The following FLT4 variants were observed in gnomAD, a reference collection of about 807,000 sequenced individuals.
FLT4 encodes vascular endothelial growth factor receptor 3.
In FLT4, 30 loss-of-function variants were observed where a neutral mutation model predicts 163.2. The ratio of observed to expected loss-of-function variants is 0.18; its 90% confidence interval spans 0.14 to 0.25. FLT4 has a LOEUF of 0.25. Among genes scored for constraint, FLT4 ranks in the 10% least tolerant of loss-of-function variants. The probability of loss-of-function intolerance (pLI) is 1.00; values close to 1 mark genes in which losing one functional copy is unlikely to be tolerated. For synonymous variants in FLT4, 884 were observed against 789.5 expected, an observed-to-expected ratio of 1.12 and a Z score of -2.01; for missense variants, 1,510 against 1,863.8, an observed-to-expected ratio of 0.81 and a Z score of 3.50.
Position 180,603,257 on chromosome 5 carries a change from G to T in FLT4, c.4027C>A (p.Pro1343Thr), listed in dbSNP as rs1420141608. ...GGGGAGCAGTGGTCCTCCTCGCTTG[G>T]CTCCGACAGCTCCCCATACTCGCTG... The part of the protein sequence containing the change: ...YNSEYGELSE[P>T]SEEDHCSPSA... Residue 1343 changes from proline to threonine, a missense_variant, in exon 30 of 30, where the codon CCA becomes ACA. Pro to Thr is a conservative substitution (Grantham distance 38). Transcript: ENST00000261937. The T allele has an allele frequency of 9.9e-6, 16 of 1,614,172 alleles. No individual in the cohort carries two copies. Among genetic ancestry groups the T allele is most frequent in the Non-Finnish European group, 1.3e-5 (15 of 1,180,042 alleles).
Position 180,603,329 on chromosome 5 carries a change from G to GCCT in FLT4, c.3952_3954dup (p.Arg1321dup), listed in dbSNP as rs1365865262. 1.2e-6 allele frequency: 2 copies of GCCT among 1,613,902 alleles called. No homozygotes were observed. Among genetic ancestry groups the GCCT allele is most frequent in the South Asian group, 1.1e-5 (1 of 91,020 alleles). On this transcript the variant is annotated inframe_insertion, in exon 30 of 30. Transcript: ENST00000261937. The stretch of plus-strand genomic sequence containing the variant: ...CGGGCCCCCCGCTCAGGCCGCCGCC[G>GCCT]CCTCCCTTGGGAGTCAGGGTGTGCC...
chr5:180,629,061 T>G, intron 7 of FLT4, 62 bp from the exon 8 acceptor site: 1 of 1,497,638 alleles, frequency 6.7e-7, no homozygotes, highest in Non-Finnish European at 9.3e-7. Flanking sequence ...GACCAGGGAC[T>G]CCCCCCACGG....
chr5:180,604,846 C>T (rs542002057), intron 29 of FLT4, among the ~76,000 whole-genome samples: 2 of 152,338 alleles, frequency 1.3e-5, no homozygotes, highest in African/African-American at 4.8e-5. Context: ...ACTTTCTGAT[C>T]CTTTTGCCTC....
chr5:180,634,279 G>A (rs578197679), intron 1 of FLT4, among the ~76,000 whole-genome samples: 1 of 152,306 alleles, frequency 6.6e-6, no homozygotes, highest in Admixed American at 6.5e-5. Context: ...CCTCCTCTTC[G>A]AGCTTCTGCT....
At position 180,623,931 on chromosome 5, in the gene FLT4, G is replaced by GTACCT; in HGVS notation, c.1547_1548+3dup. ...GGGCACTCAGCAGCGCGGCTGGCCTGTACCTTATTCTTTCCCTCCACAAAC... is the reference window on the plus strand; with the variant it reads ...GGGCACTCAGCAGCGCGGCTGGCCTGTACCTTACCTTATTCTTTCCCTCCACAAAC... On this transcript the variant is annotated splice_donor_region_variant and intron_variant, in intron 11 of 29. Transcript: ENST00000261937. The surrounding 1 kb of genome is among the most constrained non-coding windows in gnomAD (Gnocchi z 5.8). 6.8e-6 allele frequency: 11 copies of GTACCT among 1,613,490 alleles called. No homozygotes were observed. Among genetic ancestry groups the GTACCT allele is most frequent in the Non-Finnish European group, 9.3e-6 (11 of 1,179,966 alleles).
Position 180,631,597 on chromosome 5 carries a change from G to T in FLT4, c.155+85C>A, listed in dbSNP as rs550878442. On this transcript the variant is annotated intron_variant, in intron 2 of 29. Transcript: ENST00000261937. ...TGCCCTGACTCTGCCCTGGGAGGGG[G>T]CTGCCATCTGGGCCCACAGCCACCA... is the stretch of plus-strand genomic sequence containing the variant. 4.2e-5 allele frequency: 46 copies of T among 1,089,572 alleles called. No individual in the cohort carries two copies. The African/African-American group carries it at 6.1e-4, about 15-fold the overall frequency. 67.5% of individuals were successfully genotyped at this position (1,089,572 alleles called of 1,614,324 possible).
At chr5:180,632,531 G>T (rs989423580) in intron 1 of FLT4, among the ~76,000 whole-genome samples, 1 of 152,138 alleles carries the variant, frequency 6.6e-6, no homozygotes, top group Non-Finnish European at 1.5e-5. Flanking sequence ...ACTGTAGGCT[G>T]GCCGGGCTGG....
rs540014376 is a variant in FLT4 at position 180,629,335 on chromosome 5, G to A, written c.909C>T (p.His303=). The A allele has an allele frequency of 8.1e-6, 13 of 1,613,290 alleles. No homozygotes were observed. The highest frequency in any genetic ancestry group is 2.7e-5 in the African/African-American group (2 of 75,064). Residue 303 remains histidine (H), a synonymous_variant, in exon 7 of 30, where the codon CAC becomes CAT. Coordinates refer to ENST00000261937, the MANE Select transcript of FLT4 (RefSeq NM_182925.5). The part of the protein sequence containing the change: ...SILTIHNVSQ[H]DLGSYVCKAN... ...CCTTGCACACATACGAGCCCAGGTC[G>A]TGCTGGCTGACGTTGTGGATGGTCA... is the stretch of plus-strand genomic sequence containing the variant.
chr5:180,609,950 T>C lies in FLT4; in HGVS notation c.3762A>G (p.Thr1254=), dbSNP rs747495466. The part of the protein sequence containing the change: ...AETRGSSRMK[T]FEEFPMTPTT... ...TTGGGGTCATGGGGAATTCCTCAAA[T>C]GTCTTCATCCTGGAGGAACCACGGG... The change falls in exon 28 of 30, where the codon ACA becomes ACG. Residue 1254 remains threonine (T), a synonymous_variant. Coordinates refer to ENST00000261937, the MANE Select transcript of FLT4 (RefSeq NM_182925.5). 1 of 1,614,126 alleles carries C rather than the reference T, an allele frequency of 6.2e-7. No individual in the cohort carries two copies. The highest frequency in any genetic ancestry group is 8.5e-7 in the Non-Finnish European group (1 of 1,179,976).
chr5:180,608,938 T>C, intron 29 of FLT4, 30 bp downstream of exon 29: 1 of 1,571,654 alleles, frequency 6.4e-7, no homozygotes, highest in East Asian at 2.2e-5. Flanking sequence ...CATCGATACC[T>C]GCAGTGCAGG....
rs887338437 is a variant in FLT4, at chr5:180,636,646, C to T, written c.59-4868G>A. On this transcript the variant is annotated intron_variant, in intron 1 of 29. Coordinates refer to ENST00000261937, the MANE Select transcript of FLT4 (RefSeq NM_182925.5). The surrounding 1 kb of genome is among the most constrained non-coding windows in gnomAD (Gnocchi z 4.3). ...GCCTCTGAGATCCCCCCTGCACGGC[C>T]CTCACATCTTCTCCTCCTGAATCAC... is the stretch of plus-strand genomic sequence containing the variant. Among the ~76,000 whole-genome samples the T allele has an allele frequency of 6.6e-6, 1 of 151,918 alleles. No homozygotes were observed. Among genetic ancestry groups the T allele is most frequent in the African/African-American group, 2.4e-5 (1 of 41,320 alleles).
chr5:180,610,993 C>T (rs1188032587), intron 27 of FLT4, among the ~76,000 whole-genome samples: 2 of 152,070 alleles, frequency 1.3e-5, no homozygotes, highest in Admixed American at 6.5e-5. Flanking sequence ...GGAGGCGGAG[C>T]TTGCGGTGAG....
At chr5:180,606,626 C>T (rs1761800251) in intron 29 of FLT4, among the ~76,000 whole-genome samples, 1 of 152,204 alleles carries the variant, frequency 6.6e-6, no homozygotes, top group African/African-American at 2.4e-5. Flanking sequence ...ATTTACGTGG[C>T]GATCATTCTC....
chr5:180,621,039 C>T, intron 14 of FLT4, 32 bp from the exon 15 acceptor site: 1 of 1,611,298 alleles, frequency 6.2e-7, no homozygotes, highest in Non-Finnish European at 8.5e-7. Flanking sequence ...TGCGGGTCCA[C>T]CTGGGTTTGG....
chr5:180,616,636 C>T, intron 22 of FLT4, 147 bp from the exon 23 acceptor site: 1 of 906,286 alleles, frequency 1.1e-6, no homozygotes, highest in Non-Finnish European at 1.7e-6. Context: ...TCCCATCCAT[C>T]TCCAGGACTC....
chr5:180,619,823 C>G, intron 17 of FLT4, 54 bp from the exon 18 acceptor site: 1 of 1,394,642 alleles, frequency 7.2e-7, no homozygotes, highest in African/African-American at 1.4e-5. Context: ...AGCGTGGAGA[C>G]AGGTGGGCGG....
At position 180,621,169 on chromosome 5, in the gene FLT4, C is replaced by A. The variant is rs746659265; in HGVS notation, c.2104G>T (p.Ala702Ser). Residue 702 changes from alanine to serine, a missense_variant, in exon 14 of 30, where the codon GCC becomes TCC. Transcript: ENST00000261937. ...SDSLEMQCLVAGAHAPSIVWY... is the reference protein window; with the variant it reads ...SDSLEMQCLVSGAHAPSIVWY... Reference sequence around the variant, plus strand: ...ACGATGCTGGGCGCGTGCGCTCCGGCCACCAAGCACTGCATCTCCAGCGAG... The same window carrying A: ...ACGATGCTGGGCGCGTGCGCTCCGGACACCAAGCACTGCATCTCCAGCGAG... 1.7e-5 allele frequency: 27 copies of A among 1,612,728 alleles called. No homozygotes were observed. In the Admixed American group the frequency reaches 1.8e-4, roughly 11 times the overall value.
chr5:180,640,414 C>T (rs10479473), intron 1 of FLT4, among the ~76,000 whole-genome samples: 123,623 of 152,190 alleles, frequency 0.81, 50,916 homozygotes, highest in East Asian at 0.95. Flanking sequence ...GGCAGAGGCT[C>T]AGGCCAGACC....
At position 180,630,844 on chromosome 5, in the gene FLT4, T is replaced by A. The variant is rs1384176965; in HGVS notation, c.156-45A>T. 1 of 1,565,122 alleles carries A rather than the reference T, an allele frequency of 6.4e-7. No individual in the cohort carries two copies. The highest frequency in any genetic ancestry group is 1.4e-5 in the African/African-American group (1 of 74,066). ...GTCAGGTGGGCCCCAGGGCAGCCCA[T>A]GGGGACTGTCCCTGAGAAGCCTCCC... On this transcript the variant is annotated intron_variant, in intron 2 of 29. Coordinates refer to ENST00000261937, the MANE Select transcript of FLT4 (RefSeq NM_182925.5). This position sits in a 1 kb window ranked among gnomAD's most constrained non-coding sequence, Gnocchi z 6.3.
Sources: gnomAD v4.1 joint callset for allele counts (sites outside exome capture counted in the v4.1 genomes callset) on GRCh38, gnomAD v4.1.1 for gene constraint, Gnocchi (gnomAD v3.1) non-coding constraint, MANE v1.5 for transcripts, NCBI Gene and HGNC (gene_info 2026-07-23, HGNC 2026-07-21) for gene names.